The following VTI1A variants were observed in gnomAD, a reference collection of about 807,000 sequenced individuals.
The protein encoded by VTI1A is vesicle transport through interaction with t-SNAREs 1A.
A neutral mutation model predicts 34.9 loss-of-function variants in VTI1A; 22 were observed. The observed-to-expected ratio is 0.63, with a 90% confidence interval of 0.45 to 0.90. The LOEUF (loss-of-function observed/expected upper bound fraction) is 0.90. Among genes scored for constraint, VTI1A ranks in the 40% least tolerant of loss-of-function variants. VTI1A has a pLI of 0.00. For synonymous variants in VTI1A, 87 were observed against 97.3 expected (o/e 0.89, Z 0.62); for missense variants, 268 against 275.6 (o/e 0.97, Z 0.20).
At chr10:112,645,938 C>CTG (rs1554930962) in intron 5 of VTI1A, among the ~76,000 whole-genome samples, 9 of 100,978 alleles carry the variant, frequency 8.9e-5, no homozygotes, top group Non-Finnish European at 1.7e-4. Context: ...CACCAATATA[C>CTG]TGTGTTTTTT....
intron 7 of VTI1A, among the ~76,000 whole-genome samples, chr10:112,761,422 C>G (rs1234781253): frequency 1.3e-5 from 2 of 152,118 alleles, no homozygotes; most frequent in Non-Finnish European, 2.9e-5. Flanking sequence ...CACAAAACTC[C>G]CATTATGATG....
At chr10:112,715,197 T>A (rs1849562948) in intron 7 of VTI1A, among the ~76,000 whole-genome samples, 1 of 152,170 alleles carries the variant, frequency 6.6e-6, no homozygotes, top group Non-Finnish European at 1.5e-5. Context: ...TCCCTAATCT[T>A]ACAAAATATG....
chr10:112,461,504 A>G (rs1010911622), intron 2 of VTI1A, among the ~76,000 whole-genome samples: 16 of 152,180 alleles, frequency 1.1e-4, no homozygotes. Flanking sequence ...GAGGTCCCAA[A>G]TCCTGTTAAG....
chr10:112,527,057 C>T, intron 3 of VTI1A, 30 bp from the exon 4 acceptor site: 1 of 1,607,148 alleles, frequency 6.2e-7, no homozygotes, highest in Non-Finnish European at 8.5e-7. Context: ...ACGTTCCTCT[C>T]ACTCTCTCCC....
intron 7 of VTI1A, among the ~76,000 whole-genome samples, chr10:112,809,473 G>A (rs977343959): frequency 3.9e-5 from 6 of 152,200 alleles, no homozygotes; most frequent in Non-Finnish European, 5.9e-5. Flanking sequence ...GTGGGGCATC[G>A]TTATTCAGGG....
intron 5 of VTI1A, among the ~76,000 whole-genome samples, chr10:112,593,941 G>T (rs940122854): frequency 6.7e-6 from 1 of 150,046 alleles, no homozygotes; most frequent in Non-Finnish European, 1.5e-5. Context: ...ACGGAGTCTC[G>T]CTCTGTCACC....
At chr10:112,622,583 T>A (rs1248333053) in intron 5 of VTI1A, among the ~76,000 whole-genome samples, 42 of 152,280 alleles carry the variant, frequency 2.8e-4, no homozygotes. Context: ...TGGCCATGTT[T>A]CAAAAGAAAA....
chr10:112,640,565 A>T (rs927582196), intron 5 of VTI1A, among the ~76,000 whole-genome samples: 3 of 152,124 alleles, frequency 2.0e-5, no homozygotes, highest in Non-Finnish European at 4.4e-5. Flanking sequence ...CAACAACAAA[A>T]AAAAACCCCA....
At chr10:112,758,866 G>C (rs1047438023) in intron 7 of VTI1A, among the ~76,000 whole-genome samples, 1 of 152,202 alleles carries the variant, frequency 6.6e-6, no homozygotes, top group South Asian at 2.1e-4. Flanking sequence ...ATGAGCAGCA[G>C]GTAGGCATCT....
At position 112,768,877 on chromosome 10, in the gene VTI1A, CAG is replaced by C. The variant is rs142996968; in HGVS notation, c.561-46409_561-46408del. On this transcript the variant is annotated intron_variant, in intron 7 of 7. Coordinates refer to ENST00000393077, the MANE Select transcript of VTI1A (RefSeq NM_145206.4). ...TGAAATATGCGTTTATGCAGACAAA[CAG>C]AGAATGGTACAGCTTAGGGTGCAAA... is the stretch of plus-strand genomic sequence containing the variant. 1.4e-3 allele frequency among the ~76,000 whole-genome samples: 213 copies of C among 152,230 alleles called. 1 individual carries two copies. The highest frequency in any genetic ancestry group is 4.9e-3 in the African/African-American group (204 of 41,536).
In VTI1A at chr10:112,476,160, C is replaced by T. The variant is rs557274186; in HGVS notation, c.264+11503C>T. On this transcript the variant is annotated intron_variant, in intron 3 of 7. Transcript: ENST00000393077. Reference sequence around the variant, plus strand: ...GGAACATGAAGAAGCTAATTGCCATCGTCAAAAAGCCAGCTCTGTTTTAAT... The same window carrying T: ...GGAACATGAAGAAGCTAATTGCCATTGTCAAAAAGCCAGCTCTGTTTTAAT... Among the ~76,000 whole-genome samples the T allele has an allele frequency of 3.9e-5, 6 of 152,240 alleles. No homozygotes were observed. In the South Asian group the frequency reaches 8.3e-4, roughly 21 times the overall value.
the VTI1A span, among the ~76,000 whole-genome samples, chr10:112,838,740 G>A: frequency 6.6e-6 from 1 of 152,184 alleles, no homozygotes; most frequent in Non-Finnish European, 1.5e-5. Context: ...AGCTCACTGC[G>A]CTTCCAGGCA....
In VTI1A at chr10:112,583,225, T is replaced by C. The variant is rs1844017899; in HGVS notation, c.427+44895T>C. 4.6e-5 allele frequency among the ~76,000 whole-genome samples: 7 copies of C among 152,212 alleles called. No homozygotes were observed. In the South Asian group the frequency reaches 1.4e-3, roughly 31 times the overall value. ...GCTGATAATAACAGCAGAGGATTTGTATGGCTTTACTCACCTAGACACCAT... is the reference window on the plus strand; with the variant it reads ...GCTGATAATAACAGCAGAGGATTTGCATGGCTTTACTCACCTAGACACCAT... On this transcript the variant is annotated intron_variant, in intron 5 of 7. Transcript: ENST00000393077.
At chr10:112,614,874 G>A (rs1845458388) in intron 5 of VTI1A, among the ~76,000 whole-genome samples, 1 of 152,174 alleles carries the variant, frequency 6.6e-6, no homozygotes, top group Non-Finnish European at 1.5e-5. Flanking sequence ...CAGTTTCACA[G>A]ATGAGAATAG....
In VTI1A at chr10:112,647,034, C is replaced by T. The variant is rs572788221; in HGVS notation, c.428-21184C>T. Among the ~76,000 whole-genome samples the T allele has an allele frequency of 8.5e-5, 13 of 152,236 alleles. No individual in the cohort carries two copies. In the South Asian group the frequency reaches 2.7e-3, roughly 32 times the overall value. On this transcript the variant is annotated intron_variant, in intron 5 of 7. Coordinates refer to ENST00000393077, the MANE Select transcript of VTI1A (RefSeq NM_145206.4). ...TTTATTGGCTTGAATTATAATCCTA[C>T]CTCTGACCTAAAATTTGCCCCCACA...
At chr10:112,839,301 G>C in the VTI1A span, among the ~76,000 whole-genome samples, 2 of 152,190 alleles carry the variant, frequency 1.3e-5, no homozygotes, top group Admixed American at 6.5e-5. Flanking sequence ...ATTGTGAGAA[G>C]CACCGTGACA....
At chr10:112,595,033 C>G (rs1317961308) in intron 5 of VTI1A, among the ~76,000 whole-genome samples, 1 of 146,070 alleles carries the variant, frequency 6.8e-6, no homozygotes, top group Non-Finnish European at 1.5e-5. Context: ...TGATCTTTGA[C>G]AAACCTGAGA....
In VTI1A at chr10:112,818,729, A is replaced by G. The variant is rs1212642525; in HGVS notation, c.*3346A>G. The G allele has an allele frequency of 1.5e-5, 3 of 196,396 alleles. No individual in the cohort carries two copies. Among genetic ancestry groups the G allele is most frequent in the Non-Finnish European group, 3.2e-5 (3 of 94,518 alleles). The allele number at this position is 196,396 out of a possible 1,614,324, so 12.2% of individuals were successfully genotyped here. A position where few individuals can be genotyped will look rare whatever the true frequency, so the allele number is the denominator to read the frequency against. On this transcript the variant is annotated 3_prime_UTR_variant, in exon 8 of 8. Transcript: ENST00000393077. ...CGTTCATTAACAAATTGCATTAAAC[A>G]ACTGTTAAGGGCTAATGATTTGTTT...
At position 112,816,995 on chromosome 10, in the gene VTI1A, G is replaced by A. The variant is rs74664068; in HGVS notation, c.*1612G>A. 64 of 231,910 alleles carry A rather than the reference G, an allele frequency of 2.8e-4. No individual in the cohort carries two copies. The Middle Eastern group carries it at 9.0e-3, about 32-fold the overall frequency. 14.4% of individuals were successfully genotyped at this position (231,910 alleles called of 1,614,324 possible). A position where few individuals can be genotyped will look rare whatever the true frequency, so the allele number is the denominator to read the frequency against. On this transcript the variant is annotated 3_prime_UTR_variant, in exon 8 of 8. Transcript: ENST00000393077. The stretch of plus-strand genomic sequence containing the variant: ...GGAGGGATGGTGTGGGATTTTGGCC[G>A]AGGGAAGCAGGACAGAGAAGGAGCA...
Sources: gnomAD v4.1 joint callset for allele counts (sites outside exome capture counted in the v4.1 genomes callset) on GRCh38, gnomAD v4.1.1 for gene constraint, MANE v1.5 for transcripts, NCBI Gene and HGNC (gene_info 2026-07-23, HGNC 2026-07-21) for gene names.